The following OR10H1 variants were observed in gnomAD, a reference collection of about 807,000 sequenced individuals.
OR10H1 encodes olfactory receptor family 10 subfamily H member 1, also known as olfactory receptor 10H1.
A neutral mutation model predicts 13.1 loss-of-function variants in OR10H1; 12 were observed. The ratio of observed to expected loss-of-function variants is 0.92; its 90% CI spans 0.59 to 1.48. The LOEUF (loss-of-function observed/expected upper bound fraction) is 1.48. Among genes scored for constraint, OR10H1 ranks in the 40% most tolerant of loss-of-function variants. The probability of loss-of-function intolerance (pLI) is 0.00; values close to 1 mark genes in which losing one functional copy is unlikely to be tolerated. For synonymous variants in OR10H1, 168 were observed against 175.6 expected, an observed-to-expected ratio of 0.96 and a Z score of 0.34; for missense variants, 363 against 413.1, an observed-to-expected ratio of 0.88 and a Z score of 1.05.
intron 2 of OR10H1, 73 bp downstream of exon 2, chr19:15,812,157 G>C (rs1291338076): frequency 6.6e-6 from 1 of 152,294 alleles, no homozygotes; most frequent in Non-Finnish European, 1.5e-5. Flanking sequence ...AGTCTGAAGT[G>C]GGGGCCCAGG....
chr19:15,807,654 G>T lies in OR10H1; in HGVS notation c.384C>A (p.His128Gln), dbSNP rs1599311583. 1.2e-6 allele frequency: 2 copies of T among 1,614,124 alleles called. No individual in the cohort carries two copies. The highest frequency in any genetic ancestry group is 2.2e-5 in the East Asian group (1 of 44,884). The change falls in exon 4 of 4, where the codon CAC becomes CAA. Residue 128 changes from histidine to glutamine, a missense_variant. This residue lies in a region of OR10H1 where 318 missense variants were observed against 366.6 expected (regional missense o/e 0.87). Coordinates refer to ENST00000641419, the MANE Select transcript of OR10H1 (RefSeq NM_013940.4). ...TCATGAGCACGTTGTAGCGCAGGGG[G>T]TGGCAGATGGCCACGTAGCGGTCGT... Reference protein sequence around the residue: ...MGYDRYVAICHPLRYNVLMSP... With the variant: ...MGYDRYVAICQPLRYNVLMSP...
rs889781158 is a variant in OR10H1 at position 15,804,598 on chromosome 19, C to A, written c.*2483G>T. 6.6e-6 allele frequency: 1 copy of A among 152,114 alleles called. No individual in the cohort carries two copies. The highest frequency in any genetic ancestry group is 1.5e-5 in the Non-Finnish European group (1 of 68,028). The allele number at this position is 152,114 out of a possible 1,614,324, so 9.4% of individuals were successfully genotyped here. On this transcript the variant is annotated 3_prime_UTR_variant, in exon 4 of 4. Transcript: ENST00000641419. ...CATAGTATTCCATGGTGTATATGTG[C>A]CACATTTTCTTAATCCAGTCTATCA...
chr19:15,814,474 TGTGTGTGAGAGAGAGAGAGAGAGAGAGA>T (rs1190939368), intron 1 of OR10H1, among the ~76,000 whole-genome samples: 10 of 31,432 alleles, frequency 3.2e-4, no homozygotes, highest in African/African-American at 9.2e-4. Context: ...TGTGTGTGTG[TGTGTGTGAGAGAGAGAGAGAGAGAGAGA>T]GAGAGAGAGA....
intron 2 of OR10H1, 46 bp downstream of exon 2, chr19:15,812,184 G>C (rs567851410): frequency 6.6e-6 from 1 of 152,328 alleles, no homozygotes; most frequent in South Asian, 2.1e-4. Context: ...GCTTAGGTCT[G>C]ATTGATCTCA....
Position 15,804,996 on chromosome 19 carries a change from G to A in OR10H1, c.*2085C>T, listed in dbSNP as rs1240562955. Reference sequence around the variant, plus strand: ...AGTGATGACGAGCATTTTTTCATATGTTTTTTGGCTGCATAAATGTCTTCT... The same window carrying A: ...AGTGATGACGAGCATTTTTTCATATATTTTTTGGCTGCATAAATGTCTTCT... On this transcript the variant is annotated 3_prime_UTR_variant, in exon 4 of 4. Coordinates refer to ENST00000641419, the MANE Select transcript of OR10H1 (RefSeq NM_013940.4). The A allele has an allele frequency of 1.3e-5, 2 of 152,152 alleles. No individual in the cohort carries two copies. Among genetic ancestry groups the A allele is most frequent in the Non-Finnish European group, 2.9e-5 (2 of 68,026 alleles). The allele number at this position is 152,152 out of a possible 1,614,324, so 9.4% of individuals were successfully genotyped here. A position where few individuals can be genotyped will look rare whatever the true frequency, so the allele number is the denominator to read the frequency against.
chr19:15,807,758 A>C lies in OR10H1; in HGVS notation c.280T>G (p.Phe94Val). Residue 94 changes from phenylalanine (F) to valine (V), a missense_variant, in exon 4 of 4, where the codon TTC becomes GTC. By Grantham distance (50) the Phe-to-Val change is conservative. Coordinates refer to ENST00000641419, the MANE Select transcript of OR10H1 (RefSeq NM_013940.4). ...DLLSTQRSIA[F>V]LACASQMFFS... ...AACATCTGACTGGCACAGGCCAGGA[A>C]GGCGATGGAGCGCTGGGTGGACAGC... is the stretch of plus-strand genomic sequence containing the variant. 6.2e-7 allele frequency: 1 copy of C among 1,610,648 alleles called. No individual in the cohort carries two copies. The highest frequency in any genetic ancestry group is 1.1e-5 in the South Asian group (1 of 90,924).
chr19:15,806,637 G>T lies in OR10H1; in HGVS notation c.*444C>A, dbSNP rs929084867. 6.0e-6 allele frequency: 1 copy of T among 166,434 alleles called. No individual in the cohort carries two copies. Among genetic ancestry groups the T allele is most frequent in the African/African-American group, 2.4e-5 (1 of 41,546 alleles). The allele number at this position is 166,434 out of a possible 1,614,324, so 10.3% of individuals were successfully genotyped here. A position where few individuals can be genotyped will look rare whatever the true frequency, so the allele number is the denominator to read the frequency against. On this transcript the variant is annotated 3_prime_UTR_variant, in exon 4 of 4. Transcript: ENST00000641419. The stretch of plus-strand genomic sequence containing the variant: ...TGTCAAGTCTAGTCTTGAACTCCTG[G>T]CCTCAAGCAATCCTCCTGCCTTGGC...
At chr19:15,814,475 GT>G (rs2088953538) in intron 1 of OR10H1, among the ~76,000 whole-genome samples, 1 of 30,296 alleles carries the variant, frequency 3.3e-5, no homozygotes, top group Admixed American at 2.2e-4. Flanking sequence ...GTGTGTGTGT[GT>G]GTGTGAGAGA....
Position 15,807,501 on chromosome 19 carries a change from G to T in OR10H1, c.537C>A (p.Cys179Ter), listed in dbSNP as rs1166229680. The T allele has an allele frequency of 5.0e-6, 8 of 1,614,238 alleles. No homozygotes were observed. The highest frequency in any genetic ancestry group is 1.3e-5 in the African/African-American group (1 of 75,062). The change falls in exon 4 of 4, where the codon TGC (cysteine) becomes TGA (stop). Residue 179 changes from cysteine to a stop codon, truncating the protein, a stop_gained. Transcript: ENST00000641419. LOFTEE classifies it high-confidence loss of function. ...CCAACTTCAACAGAGGTGGCACATGGCAAGCAAAATGGTGGATCTCCTTGT... is the reference window on the plus strand; with the variant it reads ...CCAACTTCAACAGAGGTGGCACATGTCAAGCAAAATGGTGGATCTCCTTGT... ...CGHKEIHHFA[C>*]HVPPLLKLAC...
At chr19:15,814,476 TGTGTGAGAGAGAGAGAGAGA>T (rs1394505106) in intron 1 of OR10H1, among the ~76,000 whole-genome samples, 50 of 43,086 alleles carry the variant, frequency 1.2e-3, no homozygotes, top group African/African-American at 5.0e-3. Flanking sequence ...TGTGTGTGTG[TGTGTGAGAGAGAGAGAGAGA>T]GAGAGAGAGA....
Position 15,814,468 on chromosome 19 carries a change from TGTGTGTGTGTGTGAGA to T in OR10H1, c.-778+1071_-778+1086del, listed in dbSNP as rs2088952468. On this transcript the variant is annotated intron_variant, in intron 1 of 3. Coordinates refer to ENST00000641419, the MANE Select transcript of OR10H1 (RefSeq NM_013940.4). ...CCTTGTGTGTGTGTGTGTGTGTGTG[TGTGTGTGTGTGTGAGA>T]GAGAGAGAGAGAGAGAGAGAGAGAG... Among the ~76,000 whole-genome samples the T allele has an allele frequency of 7.5e-5, 8 of 106,412 alleles. No individual in the cohort carries two copies. In the East Asian group the frequency reaches 1.2e-3, roughly 16 times the overall value. 69.8% of individuals were successfully genotyped at this position (106,412 alleles called of 152,430 possible).
rs1311282850 is a variant in OR10H1 at position 15,805,042 on chromosome 19, A to C, written c.*2039T>G. 2.0e-5 allele frequency: 3 copies of C among 152,032 alleles called. No homozygotes were observed. Among genetic ancestry groups the C allele is most frequent in the Admixed American group, 1.3e-4 (2 of 15,248 alleles). 9.4% of individuals were successfully genotyped at this position (152,032 alleles called of 1,614,324 possible). A position where few individuals can be genotyped will look rare whatever the true frequency, so the allele number is the denominator to read the frequency against. On this transcript the variant is annotated 3_prime_UTR_variant, in exon 4 of 4. Transcript: ENST00000641419. Reference sequence around the variant, plus strand: ...CTTCTTTTGAGAAGTGTCTGTTCATATCCTTTGCCCACTTTTTGATGGGAT... The same window carrying C: ...CTTCTTTTGAGAAGTGTCTGTTCATCTCCTTTGCCCACTTTTTGATGGGAT...
chr19:15,807,639 G>A lies in OR10H1; in HGVS notation c.399C>T (p.Asn133=), dbSNP rs187451101. 1.2e-4 allele frequency: 186 copies of A among 1,614,162 alleles called. No individual in the cohort carries two copies. The highest frequency in any genetic ancestry group is 9.4e-4 in the East Asian group (42 of 44,890). ...YVAICHPLRY[N]VLMSPRGCAC... ...CGCAGCCCCGCGGGCTCATGAGCACGTTGTAGCGCAGGGGGTGGCAGATGG... is the reference window on the plus strand; with the variant it reads ...CGCAGCCCCGCGGGCTCATGAGCACATTGTAGCGCAGGGGGTGGCAGATGG... Residue 133 remains asparagine (N), a synonymous_variant, in exon 4 of 4, where the codon AAC becomes AAT. Transcript: ENST00000641419.
intron 1 of OR10H1, 134 bp from the exon 2 acceptor site, chr19:15,813,012 T>C (rs1599314369): frequency 6.6e-6 from 1 of 152,270 alleles, no homozygotes; most frequent in East Asian, 1.9e-4. Context: ...GATACTGTCA[T>C]GGTAGATACA....
In OR10H1 at chr19:15,812,380, G is replaced by A. The variant is rs73511021; in HGVS notation, c.-279C>T. The A allele has an allele frequency of 2.7e-4, 21 of 78,720 alleles. No individual in the cohort carries two copies. The highest frequency in any genetic ancestry group is 6.2e-4 in the African/African-American group (10 of 16,132). The allele number at this position is 78,720 out of a possible 1,614,324, so 4.9% of individuals were successfully genotyped here. ...GGGGAGAGAGAGAGAGAGAAAAGGA[G>A]GAGGAGGAGGAGGAGGAAAAGAAAG... On this transcript the variant is annotated 5_prime_UTR_variant, in exon 2 of 4. Transcript: ENST00000641419.
chr19:15,809,313 C>T (rs2088920557), intron 2 of OR10H1, among the ~76,000 whole-genome samples: 1 of 151,430 alleles, frequency 6.6e-6, no homozygotes, highest in Non-Finnish European at 1.5e-5. Flanking sequence ...TTTGTAGAGA[C>T]AGAGTTTCAT....
rs561620969 is a variant in OR10H1 at position 15,812,382 on chromosome 19, AG to A, written c.-282del. The A allele has an allele frequency of 0.28, 41,297 of 147,718 alleles. 6,173 individuals carry two copies. The highest frequency in any genetic ancestry group is 0.37 in the African/African-American group (14,633 of 39,722). 9.2% of individuals were successfully genotyped at this position (147,718 alleles called of 1,614,324 possible). ...GGAGAGAGAGAGAGAGAAAAGGAGG[AG>A]GAGGAGGAGGAGGAAAAGAAAGAAA... is the stretch of plus-strand genomic sequence containing the variant. On this transcript the variant is annotated 5_prime_UTR_variant, in exon 2 of 4. An upstream open reading frame in the 5' UTR gains an earlier in-frame stop. Coordinates refer to ENST00000641419, the MANE Select transcript of OR10H1 (RefSeq NM_013940.4).
chr19:15,808,989 G>T (rs963854462), intron 2 of OR10H1, 148 bp from the exon 3 acceptor site: 55 of 152,186 alleles, frequency 3.6e-4, no homozygotes, highest in African/African-American at 1.3e-3. Flanking sequence ...ATCATGAGAC[G>T]TTCCCACCCA....
Position 15,814,539 on chromosome 19 carries a change from G to A in OR10H1, c.-778+1016C>T, listed in dbSNP as rs574854384. On this transcript the variant is annotated intron_variant, in intron 1 of 3. Coordinates refer to ENST00000641419, the MANE Select transcript of OR10H1 (RefSeq NM_013940.4). The stretch of plus-strand genomic sequence containing the variant: ...AGAGAGAGAGAGAGAGAGAGACAGG[G>A]TATCCCTCTGTCACCCAGGCTGGAG... Among the ~76,000 whole-genome samples the A allele has an allele frequency of 4.9e-5, 7 of 144,110 alleles. No homozygotes were observed. In the East Asian group the frequency reaches 1.5e-3, roughly 31 times the overall value. The allele number at this position is 144,110 out of a possible 152,430, so 94.5% of individuals were successfully genotyped here.
Sources: allele counts gnomAD v4.1 joint callset (sites outside exome capture counted in the v4.1 genomes callset), GRCh38; gene constraint gnomAD v4.1.1; regional missense constraint gnomAD v4.1.1; transcripts MANE v1.5; gene names NCBI Gene and HGNC (gene_info 2026-07-23, HGNC 2026-07-21).